The following ZFYVE26 variants were observed in gnomAD, a reference collection of about 807,000 sequenced individuals.
ZFYVE26 encodes the protein zinc finger FYVE-type containing 26.
A neutral mutation model predicts 276.5 loss-of-function variants in ZFYVE26; 181 were observed. The ratio of observed to expected loss-of-function variants is 0.65; its 90% CI spans 0.58 to 0.74. ZFYVE26 has a LOEUF of 0.74. Ranked by LOEUF, ZFYVE26 falls within the 30% of genes least tolerant of loss-of-function variation. ZFYVE26 has a pLI of 0.00. For synonymous variants in ZFYVE26, 1,129 were observed against 1,203.1 expected (o/e 0.94, Z 1.27); for missense variants, 2,821 against 3,097.9 (o/e 0.91, Z 2.12).
At chr14:67,761,038 G>A (rs2038915379) in intron 35 of ZFYVE26, 1 of 591,676 alleles carries the variant, frequency 1.7e-6, no homozygotes, top group African/African-American at 1.9e-5. Flanking sequence ...TAAGCAATAT[G>A]CCCAAGGCCA....
intron 36 of ZFYVE26, 38 bp from the exon 37 acceptor site, chr14:67,755,288 C>G (rs774712671): frequency 3.1e-6 from 5 of 1,611,232 alleles, no homozygotes; most frequent in Non-Finnish European, 4.2e-6. Context: ...CAAAGTAGAT[C>G]AGGGGTTTGG....
rs778544257 is a variant in ZFYVE26, at chr14:67,802,088, A to T, written c.1630T>A (p.Ser544Thr). Reference sequence around the variant, plus strand: ...GAGGGAAGTGCTGTACCTGGGGAGGAGAGAGAGTCATTCGCTGGCTCTGTA... The same window carrying T: ...GAGGGAAGTGCTGTACCTGGGGAGGTGAGAGAGTCATTCGCTGGCTCTGTA... ...SATEPANDSL[S>T]SPGAANLFST... is the part of the protein sequence containing the mutation. The change falls in exon 10 of 42, where the codon TCC (serine) becomes ACC (threonine). Residue 544 changes from serine to threonine, a missense_variant. Ser to Thr is a moderately conservative substitution (Grantham distance 58). Coordinates refer to ENST00000347230, the MANE Select transcript of ZFYVE26 (RefSeq NM_015346.4). 7 of 1,612,890 alleles carry T rather than the reference A, an allele frequency of 4.3e-6. No individual in the cohort carries two copies. The highest frequency in any genetic ancestry group is 5.1e-6 in the Non-Finnish European group (6 of 1,180,020).
chr14:67,798,747 A>T (rs2040015314), intron 10 of ZFYVE26, 125 bp from the exon 11 acceptor site: 2 of 1,243,222 alleles, frequency 1.6e-6, no homozygotes, highest in Non-Finnish European at 2.3e-6. Flanking sequence ...TTTTTTAATT[A>T]TAAGGGAACT....
chr14:67,804,116 G>C lies in ZFYVE26; in HGVS notation c.1420C>G (p.Pro474Ala), dbSNP rs2040130137. ...CCCAACTCACCAGGCTCTTGCTGGG[G>C]GTCCTTGGCTGGCACTTTCTGTAAG... Reference protein sequence around the residue: ...KLLQKVPAKDPQQEPDAVDAP... With the variant: ...KLLQKVPAKDAQQEPDAVDAP... Residue 474 changes from proline (P) to alanine (A), a missense_variant, in exon 9 of 42, where the codon CCC becomes GCC. Coordinates refer to ENST00000347230, the MANE Select transcript of ZFYVE26 (RefSeq NM_015346.4). 6.2e-7 allele frequency: 1 copy of C among 1,614,132 alleles called. No individual in the cohort carries two copies. Among genetic ancestry groups the C allele is most frequent in the East Asian group, 2.2e-5 (1 of 44,886 alleles).
intron 2 of ZFYVE26, among the ~76,000 whole-genome samples, chr14:67,814,762 A>T (rs1335114859): frequency 1.3e-5 from 2 of 152,212 alleles, no homozygotes; most frequent in African/African-American, 4.8e-5. Context: ...TAAAAACAGG[A>T]CTTTAGGAAT....
At chr14:67,738,949 T>C (rs536689456) in intron 13 of ZFYVE26, among the ~76,000 whole-genome samples, 23 of 152,316 alleles carry the variant, frequency 1.5e-4, no homozygotes, top group Admixed American at 1.2e-3. Flanking sequence ...CAGAGATCCA[T>C]ATTCAATTGT....
intron 17 of ZFYVE26, 24 bp from the exon 18 acceptor site, chr14:67,786,046 A>C: frequency 6.2e-7 from 1 of 1,614,192 alleles, no homozygotes. Context: ...ATGAGAAAGA[A>C]AAAGTAAAGT....
At chr14:67,754,356 G>T in intron 37 of ZFYVE26, 144 bp from the exon 38 acceptor site, 2 of 1,152,288 alleles carry the variant, frequency 1.7e-6, no homozygotes, top group Non-Finnish European at 2.5e-6. Context: ...TACCTTGTGA[G>T]CAGTTATGAC....
chr14:67,755,927 G>A (rs2038767168), intron 36 of ZFYVE26, 21 bp downstream of exon 36: 1 of 1,613,862 alleles, frequency 6.2e-7, no homozygotes, highest in African/African-American at 1.3e-5. Flanking sequence ...GAGGTAGAAG[G>A]CAGGAAGGGG....
At chr14:67,773,340 C>T (rs951084593) in intron 27 of ZFYVE26, among the ~76,000 whole-genome samples, 1 of 151,924 alleles carries the variant, frequency 6.6e-6, no homozygotes, top group Non-Finnish European at 1.5e-5. Context: ...CACTTGAGTT[C>T]AAGAGTTCGA....
intron 28 of ZFYVE26, 120 bp downstream of exon 28, chr14:67,771,927 G>A: frequency 5.2e-6 from 7 of 1,334,466 alleles, no homozygotes; most frequent in Non-Finnish European, 7.3e-6. Context: ...CTTAGATTTG[G>A]CAGTTCTGAA....
chr14:67,752,472 C>T lies in ZFYVE26; in HGVS notation c.7243G>A (p.Glu2415Lys), dbSNP rs763148502. ...TGGATCTCACTGTACTTCTCTTTCT[C>T]CACCAACTGGCGGGCAGCTCTGCAG... is the stretch of plus-strand genomic sequence containing the variant. ...TYCRAARQLVEKEKYSEIQQL... is the reference protein window; with the variant it reads ...TYCRAARQLVKKEKYSEIQQL... The change falls in exon 40 of 42, where the codon GAG becomes AAG. Residue 2415 changes from glutamate (E) to lysine (K), a missense_variant. Physicochemically the swap from Glu to Lys is moderately conservative, Grantham distance 56. Coordinates refer to ENST00000347230, the MANE Select transcript of ZFYVE26 (RefSeq NM_015346.4). 7 of 1,614,086 alleles carry T rather than the reference C, an allele frequency of 4.3e-6. No homozygotes were observed. The highest frequency in any genetic ancestry group is 5.9e-6 in the Non-Finnish European group (7 of 1,180,044).
chr14:67,753,612 T>G, intron 39 of ZFYVE26, 95 bp downstream of exon 39: 1 of 1,350,474 alleles, frequency 7.4e-7, no homozygotes, highest in Admixed American at 1.9e-5. Context: ...AAATCCACTT[T>G]TCTTGGGATA....
chr14:67,779,973 G>A (rs574033320), intron 23 of ZFYVE26, among the ~76,000 whole-genome samples: 178 of 152,210 alleles, frequency 1.2e-3, no homozygotes, highest in African/African-American at 3.8e-3. Flanking sequence ...CTGGGTTCAC[G>A]CCATTCTCCT....
chr14:67,811,967 T>TGAAA (rs1334214341), intron 3 of ZFYVE26, among the ~76,000 whole-genome samples: 5 of 144,662 alleles, frequency 3.5e-5, no homozygotes, highest in Non-Finnish European at 7.5e-5. Flanking sequence ...ATATTATATA[T>TGAAA]GAAATATATA....
chr14:67,809,909 C>A (rs1000874710), intron 3 of ZFYVE26, among the ~76,000 whole-genome samples: 1 of 151,684 alleles, frequency 6.6e-6, no homozygotes, highest in Non-Finnish European at 1.5e-5. Flanking sequence ...CTCAGGCTCC[C>A]GAGAAGCTGG....
intron 2 of ZFYVE26, 42 bp downstream of exon 2, chr14:67,815,726 GTC>G: frequency 1.9e-6 from 3 of 1,596,072 alleles, no homozygotes; most frequent in Non-Finnish European, 2.6e-6. Flanking sequence ...TGAACCACAT[GTC>G]TCTCACCCTG....
At chr14:67,799,588 T>C (rs1340752469) in intron 10 of ZFYVE26, 2 of 1,484,914 alleles carry the variant, frequency 1.3e-6, no homozygotes, top group Non-Finnish European at 1.9e-6. Context: ...AAAAATCTGC[T>C]CTCAAGAAAT....
At chr14:67,794,344 G>T (rs1351831807) in intron 12 of ZFYVE26, 105 bp from the exon 13 acceptor site, 2 of 1,104,446 alleles carry the variant, frequency 1.8e-6, no homozygotes, top group Non-Finnish European at 2.8e-6. Flanking sequence ...AGAGACAGAG[G>T]ATAATGAATA....
Sources: gnomAD v4.1 joint callset for allele counts (sites outside exome capture counted in the v4.1 genomes callset) on GRCh38, gnomAD v4.1.1 for gene constraint, MANE v1.5 for transcripts, NCBI Gene and HGNC (gene_info 2026-07-23, HGNC 2026-07-21) for gene names.